The following UHRF1 variants were observed in gnomAD, a reference collection of about 807,000 sequenced individuals.
UHRF1 encodes the protein ubiquitin like with PHD and ring finger domains 1, also known as E3 ubiquitin-protein ligase UHRF1.
UHRF1 carries 9 observed loss-of-function variants against 96.5 expected under a neutral mutation model. The observed-to-expected ratio is 0.09, with a 90% CI of 0.06 to 0.16. The LOEUF is 0.16. Among genes scored for constraint, UHRF1 ranks in the 10% least tolerant of loss-of-function variants. The pLI is 1.00. For synonymous variants in UHRF1, 455 were observed against 469.9 expected, an observed-to-expected ratio of 0.97 and a Z score of 0.41; for missense variants, 626 against 1,131.1, an observed-to-expected ratio of 0.55 and a Z score of 6.40.
intron 2 of UHRF1, among the ~76,000 whole-genome samples, chr19:4,913,329 C>G (rs936466643): frequency 1.4e-5 from 2 of 145,174 alleles, no homozygotes; most frequent in African/African-American, 5.2e-5. Flanking sequence ...TCTGGGCTCA[C>G]TGCAACCTTC....
At chr19:4,927,636 A>T (rs1376123089) in intron 2 of UHRF1, among the ~76,000 whole-genome samples, 8 of 151,984 alleles carry the variant, frequency 5.3e-5, no homozygotes, top group Non-Finnish European at 1.5e-5. Flanking sequence ...TTTCCTAAGG[A>T]TGCTCCTGAA....
upstream of UHRF1, among the ~76,000 whole-genome samples, chr19:4,906,847 G>A (rs1599228476): frequency 6.6e-6 from 1 of 152,224 alleles, no homozygotes; most frequent in Non-Finnish European, 1.5e-5. Flanking sequence ...GATGTGTTCT[G>A]ATAGAAATAG....
rs1251495569 is a variant in UHRF1, at chr19:4,944,198, C to G, written c.1140C>G (p.Ser380Arg). The change falls in exon 8 of 17, where the codon AGC (serine) becomes AGG (arginine). Residue 380 changes from serine to arginine, a missense_variant. Around this residue, in one of 11 missense-constraint regions of UHRF1, gnomAD observed 69 missense variants for 159.8 expected, o/e 0.43. Coordinates refer to ENST00000650932, the MANE Select transcript of UHRF1 (RefSeq NM_001048201.3). ...VVLAGERLRE[S>R]KKKAKMASAT... is the part of the protein sequence containing the mutation. ...TGGCGGGAGAGCGGCTGAGAGAGAG[C>G]AAGAAGAAGGCGAAGATGGCCTCGG... The G allele has an allele frequency of 6.2e-6, 10 of 1,613,956 alleles. No homozygotes were observed. The highest frequency in any genetic ancestry group is 8.5e-6 in the Non-Finnish European group (10 of 1,179,878).
chr19:4,950,795 CG>C (rs1262290848), intron 12 of UHRF1, 22 bp downstream of exon 12: 3 of 1,613,616 alleles, frequency 1.9e-6, no homozygotes, highest in Non-Finnish European at 2.5e-6. Flanking sequence ...TTGAGGAGGC[CG>C]GGGGCTCTGT....
chr19:4,938,730 GTTTTT>G (rs71170880), intron 5 of UHRF1, among the ~76,000 whole-genome samples: 1,526 of 61,338 alleles, frequency 0.025, 3 homozygotes, highest in Non-Finnish European at 0.036. Flanking sequence ...TTTTGGTCAG[GTTTTT>G]TTTTTTTTTT....
rs779117913 is a variant in UHRF1, at chr19:4,930,851, G to A, written c.544G>A (p.Val182Ile). 20 of 1,613,832 alleles carry A rather than the reference G, an allele frequency of 1.2e-5. No homozygotes were observed. In the East Asian group the frequency reaches 1.3e-4, roughly 11 times the overall value. Reference sequence around the variant, plus strand: ...GTCCAGGCCGGCGCTGGAGGAGGACGTCATTTACCACGTGAAATACGACGA... The same window carrying A: ...GTCCAGGCCGGCGCTGGAGGAGGACATCATTTACCACGTGAAATACGACGA... ...STSRPALEEDVIYHVKYDDYP... is the reference protein window; with the variant it reads ...STSRPALEEDIIYHVKYDDYP... The change falls in exon 4 of 17, where the codon GTC becomes ATC. Residue 182 changes from valine to isoleucine, a missense_variant. Physicochemically the swap from Val to Ile is conservative, Grantham distance 29 (BLOSUM62 3). Around this residue, in one of 11 missense-constraint regions of UHRF1, gnomAD observed 198 missense variants for 235.1 expected, o/e 0.84. Coordinates refer to ENST00000650932, the MANE Select transcript of UHRF1 (RefSeq NM_001048201.3). This position sits in a 1 kb window ranked among gnomAD's most constrained non-coding sequence, Gnocchi z 4.4.
In UHRF1 at chr19:4,954,600, C is replaced by G; in HGVS notation, c.1958-50C>G. Reference sequence around the variant, plus strand: ...ACGTGGGAGCCGGTGGCTGTCTCTCCGGCAGCTCGGGCCACGCGCCCCTCC... The same window carrying G: ...ACGTGGGAGCCGGTGGCTGTCTCTCGGGCAGCTCGGGCCACGCGCCCCTCC... On this transcript the variant is annotated intron_variant, in intron 14 of 16. Transcript: ENST00000650932. This position sits in a 1 kb window ranked among gnomAD's most constrained non-coding sequence, Gnocchi z 5.9. 1 of 1,596,940 alleles carries G rather than the reference C, an allele frequency of 6.3e-7. No individual in the cohort carries two copies. Among genetic ancestry groups the G allele is most frequent in the Non-Finnish European group, 8.5e-7 (1 of 1,171,490 alleles).
At chr19:4,924,751 C>T (rs995248255) in intron 2 of UHRF1, among the ~76,000 whole-genome samples, 1 of 152,060 alleles carries the variant, frequency 6.6e-6, no homozygotes, top group East Asian at 1.9e-4. Flanking sequence ...GTTGATGGCC[C>T]GATGGCCCTC....
intron 2 of UHRF1, among the ~76,000 whole-genome samples, chr19:4,916,529 G>T (rs748531759): frequency 3.3e-5 from 5 of 152,076 alleles, no homozygotes; most frequent in Admixed American, 2.6e-4. Context: ...CCGAAGTGCC[G>T]CTCTAGGGTC....
chr19:4,956,940 C>A, intron 16 of UHRF1, 127 bp downstream of exon 16: 1 of 711,236 alleles, frequency 1.4e-6, no homozygotes, highest in Non-Finnish European at 2.5e-6. Context: ...TGCAGCTTTT[C>A]TCGGGGCCCT....
intron 2 of UHRF1, among the ~76,000 whole-genome samples, chr19:4,924,673 C>A (rs183735843): frequency 7.9e-5 from 12 of 152,184 alleles, no homozygotes; most frequent in Admixed American, 2.0e-4. Flanking sequence ...TTCCTATAGA[C>A]CCCCTGCCCC....
Position 4,950,036 on chromosome 19 carries a change from ATT to A in UHRF1, c.1518-561_1518-560del, listed in dbSNP as rs35941264. On this transcript the variant is annotated intron_variant, in intron 11 of 16. Transcript: ENST00000650932. ...TAGGTGCATGTTACCACGCCTGGCTATTTTTTTTTTTTTTTGTGGAGATGGGG... is the reference window on the plus strand; with the variant it reads ...TAGGTGCATGTTACCACGCCTGGCTATTTTTTTTTTTTTGTGGAGATGGGG... Among the ~76,000 whole-genome samples the A allele has an allele frequency of 4.3e-3, 587 of 136,338 alleles. 3 individuals carry two copies. Among genetic ancestry groups the A allele is most frequent in the African/African-American group, 0.014 (524 of 37,012 alleles). 89.4% of individuals were successfully genotyped at this position (136,338 alleles called of 152,430 possible).
At chr19:4,931,366 T>C (rs762375607) in intron 4 of UHRF1, among the ~76,000 whole-genome samples, 96 of 152,242 alleles carry the variant, frequency 6.3e-4, no homozygotes, top group Non-Finnish European at 6.0e-4. Flanking sequence ...AACCTCTGCC[T>C]CCTGGATTCA....
intron 7 of UHRF1, among the ~76,000 whole-genome samples, chr19:4,942,177 CTT>C (rs2033425401): frequency 6.6e-6 from 1 of 151,946 alleles, no homozygotes; most frequent in African/African-American, 2.4e-5. Context: ...GAGACGGAGT[CTT>C]TTTTCTTTTC....
At chr19:4,917,554 T>G (rs1361178612) in intron 2 of UHRF1, among the ~76,000 whole-genome samples, 1 of 144,370 alleles carries the variant, frequency 6.9e-6, no homozygotes, top group Non-Finnish European at 1.5e-5. Context: ...CTTGGGAGGC[T>G]GACGCAGGAG....
intron 15 of UHRF1, among the ~76,000 whole-genome samples, chr19:4,955,074 T>C (rs1293458629): frequency 1.3e-5 from 2 of 150,912 alleles, no homozygotes; most frequent in Non-Finnish European, 3.0e-5. Flanking sequence ...CCCCGGCAAC[T>C]GCTCCCCAGC....
At chr19:4,918,114 TTTTG>T (rs1180780769) in intron 2 of UHRF1, among the ~76,000 whole-genome samples, 1 of 152,068 alleles carries the variant, frequency 6.6e-6, no homozygotes, top group African/African-American at 2.4e-5. Context: ...ATGGGTTTTT[TTTTG>T]TTTGTTTTGT....
At chr19:4,918,276 C>T (rs553921074) in intron 2 of UHRF1, among the ~76,000 whole-genome samples, 2 of 151,840 alleles carry the variant, frequency 1.3e-5, no homozygotes, top group African/African-American at 4.8e-5. Flanking sequence ...CACACCACCA[C>T]GTCCGGCTAA....
intron 5 of UHRF1, among the ~76,000 whole-genome samples, chr19:4,937,142 G>A (rs1017622036): frequency 6.6e-6 from 1 of 151,838 alleles, no homozygotes; most frequent in East Asian, 1.9e-4. Flanking sequence ...AAGGATTCCC[G>A]TTATATAAAT....
Sources: gnomAD v4.1 joint callset for allele counts (sites outside exome capture counted in the v4.1 genomes callset) on GRCh38, gnomAD v4.1.1 for gene constraint, gnomAD v4.1.1 regional missense constraint, Gnocchi (gnomAD v3.1) non-coding constraint, MANE v1.5 for transcripts, NCBI Gene and HGNC (gene_info 2026-07-23, HGNC 2026-07-21) for gene names.